Variants in PCDHGB5 observed in about 807,000 individuals in gnomAD.
PCDHGB5 encodes protocadherin gamma-B5.
PCDHGB5 carries 48 observed loss-of-function variants against 62.9 expected under a neutral mutation model. The observed-to-expected ratio is 0.76, with a 90% CI of 0.61 to 0.97. The LOEUF is 0.97. PCDHGB5 is among the 50% of genes least tolerant of loss of function. The pLI is 0.00. For synonymous variants in PCDHGB5, 474 were observed against 511.2 expected, an observed-to-expected ratio of 0.93 and a Z score of 0.98; for missense variants, 1,118 against 1,198.6, an observed-to-expected ratio of 0.93 and a Z score of 0.99.
At chr5:141,481,524 A>G (rs186970700) in intron 1 of PCDHGB5, among the ~76,000 whole-genome samples, 4 of 152,240 alleles carry the variant, frequency 2.6e-5, no homozygotes, top group African/African-American at 9.6e-5. Flanking sequence ...CTCAGTAAAA[A>G]TCTAGAGATG....
chr5:141,399,198 G>T lies in PCDHGB5; in HGVS notation c.1071G>T (p.Val357=), dbSNP rs1370289172. 6.2e-7 allele frequency: 1 copy of T among 1,613,816 alleles called. No individual in the cohort carries two copies. The highest frequency in any genetic ancestry group is 1.3e-5 in the African/African-American group (1 of 74,924). ...TTGAAATGATTCTGGAAAACGCGGTGCCTGGAACACTAATTGCTTTGATCA... is the reference window on the plus strand; with the variant it reads ...TTGAAATGATTCTGGAAAACGCGGTTCCTGGAACACTAATTGCTTTGATCA... ...SLLEMILENA[V]PGTLIALIKI... The change falls in exon 1 of 4, where the codon GTG becomes GTT. Residue 357 remains valine (V), a synonymous_variant. Transcript: ENST00000617380.
In PCDHGB5 at chr5:141,431,509, C is replaced by T. The variant is rs774558486; in HGVS notation, c.2397+30985C>T. The T allele has an allele frequency of 3.1e-6, 5 of 1,613,992 alleles. 1 individual carries two copies. In the Admixed American group the frequency reaches 5.0e-5, roughly 16 times the overall value. On this transcript the variant is annotated intron_variant, in intron 1 of 3. Coordinates refer to ENST00000617380, the MANE Select transcript of PCDHGB5 (RefSeq NM_018925.3). This position sits in a 1 kb window ranked among gnomAD's most constrained non-coding sequence, Gnocchi z 4.8. ...TTGCTCAGCCCGAGTACCGCGCGAG[C>T]GTTCCGGAGAATCTGGCCTTGGGCA...
chr5:141,418,891 C>G (rs774546487), intron 1 of PCDHGB5: 4 of 1,613,842 alleles, frequency 2.5e-6, no homozygotes, highest in East Asian at 2.2e-5. Context: ...ACGACAACAG[C>G]CCAGAAATAA....
chr5:141,495,892 TTGTCTC>T (rs1035324353), intron 2 of PCDHGB5, among the ~76,000 whole-genome samples: 1 of 152,198 alleles, frequency 6.6e-6, no homozygotes, highest in Admixed American at 6.5e-5. Flanking sequence ...TTGTCTCTCT[TTGTCTC>T]TGTCTCTGTA....
intron 1 of PCDHGB5, chr5:141,421,777 CG>C (rs760013586): frequency 1.2e-6 from 2 of 1,613,804 alleles, no homozygotes; most frequent in Admixed American, 3.3e-5. Flanking sequence ...CTTGCAACTG[CG>C]GGGCAGAACG....
In PCDHGB5 at chr5:141,485,186, G is replaced by T; in HGVS notation, c.2398-9621G>T. ...GCGGGCGGCAGCAATGCTCCGCAAG[G>T]TGAGAAGCTGGACAGAAATCTGGCG... On this transcript the variant is annotated intron_variant, in intron 1 of 3. Coordinates refer to ENST00000617380, the MANE Select transcript of PCDHGB5 (RefSeq NM_018925.3). This position sits in a 1 kb window ranked among gnomAD's most constrained non-coding sequence, Gnocchi z 5.7. 1 of 1,613,706 alleles carries T rather than the reference G, an allele frequency of 6.2e-7. No individual in the cohort carries two copies. The highest frequency in any genetic ancestry group is 8.5e-7 in the Non-Finnish European group (1 of 1,179,644).
At chr5:141,403,081 T>C (rs772246285) in intron 1 of PCDHGB5, 1 of 1,614,048 alleles carries the variant, frequency 6.2e-7, no homozygotes, top group East Asian at 2.2e-5. Flanking sequence ...AAAAGGGCTA[T>C]ATTGTGGGCA....
In PCDHGB5 at chr5:141,431,339, TTGG is replaced by T. The variant is rs750589924; in HGVS notation, c.2397+30818_2397+30820del. ...AGCCGACGGTAGTAAGTACCCCGAA[TTGG>T]TGCTGAAACGCGCCCTGGACCGCGA... is the stretch of plus-strand genomic sequence containing the variant. On this transcript the variant is annotated intron_variant, in intron 1 of 3. Coordinates refer to ENST00000617380, the MANE Select transcript of PCDHGB5 (RefSeq NM_018925.3). The surrounding 1 kb of genome is among the most constrained non-coding windows in gnomAD (Gnocchi z 4.8). 4 of 1,614,060 alleles carry T rather than the reference TTGG, an allele frequency of 2.5e-6. No individual in the cohort carries two copies. The Admixed American group carries it at 6.7e-5, about 27-fold the overall frequency.
intron 1 of PCDHGB5, among the ~76,000 whole-genome samples, chr5:141,459,307 A>G (rs1175102009): frequency 6.6e-6 from 1 of 152,198 alleles, no homozygotes; most frequent in Non-Finnish European, 1.5e-5. Context: ...AACATATACT[A>G]TTTTGTATCC....
At position 141,476,114 on chromosome 5, in the gene PCDHGB5, G is replaced by C; in HGVS notation, c.2398-18693G>C. 3.8e-6 allele frequency: 6 copies of C among 1,592,296 alleles called. No homozygotes were observed. Among genetic ancestry groups the C allele is most frequent in the Non-Finnish European group, 5.1e-6 (6 of 1,171,536 alleles). On this transcript the variant is annotated intron_variant, in intron 1 of 3. Coordinates refer to ENST00000617380, the MANE Select transcript of PCDHGB5 (RefSeq NM_018925.3). This position sits in a 1 kb window ranked among gnomAD's most constrained non-coding sequence, Gnocchi z 7.6. Reference sequence around the variant, plus strand: ...CCGCTGAGAGGAACTGCTTTTGAGTGAGATGGTCCCAGAGGCCTGGAGGAG... The same window carrying C: ...CCGCTGAGAGGAACTGCTTTTGAGTCAGATGGTCCCAGAGGCCTGGAGGAG...
rs1193465269 is a variant in PCDHGB5 at position 141,467,055 on chromosome 5, C to CT, written c.2398-27736dup. Among the ~76,000 whole-genome samples, 814 of 134,448 alleles carry CT rather than the reference C, an allele frequency of 6.1e-3. 10 individuals carry two copies. Among genetic ancestry groups the CT allele is most frequent in the African/African-American group, 0.018 (656 of 36,920 alleles). The allele number at this position is 134,448 out of a possible 152,430, so 88.2% of individuals were successfully genotyped here. A position where few individuals can be genotyped will look rare whatever the true frequency, so the allele number is the denominator to read the frequency against. Reference sequence around the variant, plus strand: ...TTTTTGTGTAATGAATCAATGTTTTCTTTTTTTTTTTTTTTTAGACCAAGT... The same window carrying CT: ...TTTTTGTGTAATGAATCAATGTTTTCTTTTTTTTTTTTTTTTTAGACCAAGT... On this transcript the variant is annotated intron_variant, in intron 1 of 3. Coordinates refer to ENST00000617380, the MANE Select transcript of PCDHGB5 (RefSeq NM_018925.3).
At position 141,404,862 on chromosome 5, in the gene PCDHGB5, C is replaced by T. The variant is rs377687399; in HGVS notation, c.2397+4338C>T. ...GCTCGGGCCCTGCTAGATAGAGATG[C>T]GCTCAAACAGAGCCTTGTGGTGGCT... On this transcript the variant is annotated intron_variant, in intron 1 of 3. Coordinates refer to ENST00000617380, the MANE Select transcript of PCDHGB5 (RefSeq NM_018925.3). The T allele has an allele frequency of 2.3e-5, 37 of 1,613,730 alleles. No individual in the cohort carries two copies. The African/African-American group carries it at 2.8e-4, about 12-fold the overall frequency.
intron 1 of PCDHGB5, chr5:141,403,362 G>C: frequency 6.2e-7 from 1 of 1,614,062 alleles, no homozygotes; most frequent in Non-Finnish European, 8.5e-7. Flanking sequence ...CAGGCCGAAA[G>C]TCTGGAAGTA....
At chr5:141,417,954 C>A (rs2096198021) in intron 1 of PCDHGB5, 3 of 1,613,600 alleles carry the variant, frequency 1.9e-6, no homozygotes, top group South Asian at 1.1e-5. Flanking sequence ...CTGTGTGAGC[C>A]GATCCGCTAC....
Position 141,422,537 on chromosome 5 carries a change from C to T in PCDHGB5, c.2397+22013C>T, listed in dbSNP as rs993210917. 2.5e-6 allele frequency: 4 copies of T among 1,613,874 alleles called. No individual in the cohort carries two copies. Among genetic ancestry groups the T allele is most frequent in the Non-Finnish European group, 3.4e-6 (4 of 1,179,894 alleles). ...GGAAGCCCGCCTTTGTCTGCAGAAA[C>T]TCATGTCTGGCTGAATGTGGCAGAT... is the stretch of plus-strand genomic sequence containing the variant. On this transcript the variant is annotated intron_variant, in intron 1 of 3. Coordinates refer to ENST00000617380, the MANE Select transcript of PCDHGB5 (RefSeq NM_018925.3).
intron 1 of PCDHGB5, among the ~76,000 whole-genome samples, chr5:141,462,442 A>C (rs890167032): frequency 1.3e-5 from 2 of 152,150 alleles, no homozygotes; most frequent in African/African-American, 4.8e-5. Context: ...GCTTACACAC[A>C]ACTGTGTAAC....
Position 141,398,026 on chromosome 5 carries a change from C to G in PCDHGB5, c.-102C>G. The G allele has an allele frequency of 1.4e-6, 2 of 1,446,724 alleles. No homozygotes were observed. The highest frequency in any genetic ancestry group is 2.6e-5 in the Admixed American group (1 of 39,200). The allele number at this position is 1,446,724 out of a possible 1,614,324, so 89.6% of individuals were successfully genotyped here. Reference sequence around the variant, plus strand: ...AAAAGAATCGTTTCCTAAACTGGAACTGGAACTAAAGCCCGTTCGGAGATC... The same window carrying G: ...AAAAGAATCGTTTCCTAAACTGGAAGTGGAACTAAAGCCCGTTCGGAGATC... On this transcript the variant is annotated 5_prime_UTR_variant, in exon 1 of 4. Coordinates refer to ENST00000617380, the MANE Select transcript of PCDHGB5 (RefSeq NM_018925.3).
At chr5:141,415,437 G>A in intron 1 of PCDHGB5, 1 of 1,614,200 alleles carries the variant, frequency 6.2e-7, no homozygotes, top group Non-Finnish European at 8.5e-7. Flanking sequence ...GGGCTTTCCT[G>A]CAGACCTATT....
At chr5:141,499,689 CTTT>C (rs545067566) in intron 2 of PCDHGB5, among the ~76,000 whole-genome samples, 2 of 119,848 alleles carry the variant, frequency 1.7e-5, no homozygotes, top group African/African-American at 3.1e-5. Context: ...TAACAGATGA[CTTT>C]TTTTTTTTTT....
Sources: allele counts gnomAD v4.1 joint callset (sites outside exome capture counted in the v4.1 genomes callset), GRCh38; gene constraint gnomAD v4.1.1; non-coding constraint Gnocchi (gnomAD v3.1); transcripts MANE v1.5; gene names NCBI Gene and HGNC (gene_info 2026-07-23, HGNC 2026-07-21).